The following GALR1 variants were observed in gnomAD, a reference collection of about 807,000 sequenced individuals.
GALR1 encodes galanin receptor type 1.
Under a neutral mutation model 17.9 loss-of-function variants are expected in GALR1, and 11 were observed. That is an observed-to-expected ratio of 0.62 (90% CI 0.39 to 1.02). The LOEUF (loss-of-function observed/expected upper bound fraction) is 1.02. Among genes scored for constraint, GALR1 ranks in the 50% least tolerant of loss-of-function variants. The pLI is 0.01. For synonymous variants in GALR1, 206 were observed against 205.7 expected, an observed-to-expected ratio of 1.00 and a Z score of -0.01; for missense variants, 441 against 456.9, an observed-to-expected ratio of 0.97 and a Z score of 0.32.
chr18:77,252,854 A>ACACCACCACCAC (rs1217118933), intron 1 of GALR1, among the ~76,000 whole-genome samples: 1 of 52,598 alleles, frequency 1.9e-5, no homozygotes, highest in African/African-American at 6.3e-5. Context: ...CTGTCTCAAA[A>ACACCACCACCAC]CACCACCACC....
intron 2 of GALR1, among the ~76,000 whole-genome samples, chr18:77,258,469 ATTGGTG>A (rs1912642124): frequency 7.8e-6 from 1 of 128,038 alleles, no homozygotes; most frequent in East Asian, 2.6e-4. Context: ...TGGTGGTGGT[ATTGGTG>A]GTGGTGATGG....
Position 77,275,549 on chromosome 18 carries a change from G to C in GALR1, c.*6647G>C, listed in dbSNP as rs1010931897. 1.3e-5 allele frequency: 2 copies of C among 152,236 alleles called. No individual in the cohort carries two copies. Among genetic ancestry groups the C allele is most frequent in the Non-Finnish European group, 2.9e-5 (2 of 68,064 alleles). 9.4% of individuals were successfully genotyped at this position (152,236 alleles called of 1,614,324 possible). On this transcript the variant is annotated 3_prime_UTR_variant, in exon 3 of 3. Coordinates refer to ENST00000299727, the MANE Select transcript of GALR1 (RefSeq NM_001480.4). The stretch of plus-strand genomic sequence containing the variant: ...AGACAGGTGTCTTGCTATGTGACTT[G>C]CCATTGCGGTCACTGGTTATACAAA...
rs529886045 is a variant in GALR1, at chr18:77,277,181, G to C, written c.*8279G>C. The C allele has an allele frequency of 2.0e-4, 31 of 151,596 alleles. No individual in the cohort carries two copies. The highest frequency in any genetic ancestry group is 7.5e-4 in the African/African-American group (31 of 41,496). The allele number at this position is 151,596 out of a possible 1,614,324, so 9.4% of individuals were successfully genotyped here. ...TAAGTATCTTCTGATAACATAAGTA[G>C]TATGAGTAAGGAAAAAAAATCTATG... On this transcript the variant is annotated 3_prime_UTR_variant, in exon 3 of 3. Coordinates refer to ENST00000299727, the MANE Select transcript of GALR1 (RefSeq NM_001480.4).
chr18:77,253,627 T>A (rs1345604587), intron 1 of GALR1: 5 of 152,222 alleles, frequency 3.3e-5, no homozygotes, highest in African/African-American at 7.2e-5. Flanking sequence ...TTATTTCAAG[T>A]TGATTTTCTT....
At position 77,266,561 on chromosome 18, in the gene GALR1, A is replaced by G. The variant is rs546298591; in HGVS notation, c.733-2024A>G. Among the ~76,000 whole-genome samples, 51 of 152,334 alleles carry G rather than the reference A, an allele frequency of 3.3e-4. No individual in the cohort carries two copies. In the South Asian group the frequency reaches 0.011, roughly 32 times the overall value. On this transcript the variant is annotated intron_variant, in intron 2 of 2. Transcript: ENST00000299727. ...ATTTACCGTATTAGTCCATTCTCAC[A>G]CTGCTAAGAGACATACTCAAGACTG...
rs1185737032 is a variant in GALR1 at position 77,274,778 on chromosome 18, A to T, written c.*5876A>T. The T allele has an allele frequency of 2.0e-5, 3 of 152,206 alleles. No homozygotes were observed. The highest frequency in any genetic ancestry group is 2.9e-5 in the Non-Finnish European group (2 of 68,034). The allele number at this position is 152,206 out of a possible 1,614,324, so 9.4% of individuals were successfully genotyped here. On this transcript the variant is annotated 3_prime_UTR_variant, in exon 3 of 3. Transcript: ENST00000299727. ...CATTAGAGAACAACTAATCCAAAAA[A>T]TCTATCATCCTTTATTTGTGTTGAC...
intron 1 of GALR1, among the ~76,000 whole-genome samples, chr18:77,253,213 C>G (rs767236595): frequency 7.2e-5 from 11 of 152,166 alleles, no homozygotes; most frequent in Non-Finnish European, 1.5e-4. Flanking sequence ...ATTTGCACAA[C>G]TCTGTGGCTT....
rs1303999771 is a variant in GALR1, at chr18:77,270,746, AAG to A, written c.*1846_*1847del. 2.0e-5 allele frequency: 3 copies of A among 152,196 alleles called. No individual in the cohort carries two copies. Among genetic ancestry groups the A allele is most frequent in the Non-Finnish European group, 4.4e-5 (3 of 68,036 alleles). The allele number at this position is 152,196 out of a possible 1,614,324, so 9.4% of individuals were successfully genotyped here. On this transcript the variant is annotated 3_prime_UTR_variant, in exon 3 of 3. Transcript: ENST00000299727. The stretch of plus-strand genomic sequence containing the variant: ...ATTAATAACTCTCTGGATAAAAGGA[AAG>A]AAAAACGTTAGAAAGATTTTGAAGT...
chr18:77,252,854 ACAC>A lies in GALR1; in HGVS notation c.666+1664_666+1666del, dbSNP rs1217118933. ...CAACGGAGCGAGACTCTGTCTCAAA[ACAC>A]CACCACCACCACCACCACCACCATC... is the stretch of plus-strand genomic sequence containing the variant. On this transcript the variant is annotated intron_variant, in intron 1 of 2. Coordinates refer to ENST00000299727, the MANE Select transcript of GALR1 (RefSeq NM_001480.4). 5.8e-3 allele frequency among the ~76,000 whole-genome samples: 305 copies of A among 52,542 alleles called. 5 individuals carry two copies. Among genetic ancestry groups the A allele is most frequent in the African/African-American group, 0.013 (215 of 15,948 alleles). 34.5% of individuals were successfully genotyped at this position (52,542 alleles called of 152,430 possible). A position where few individuals can be genotyped will look rare whatever the true frequency, so the allele number is the denominator to read the frequency against.
At chr18:77,253,165 C>T (rs1568139347) in intron 1 of GALR1, among the ~76,000 whole-genome samples, 1 of 152,214 alleles carries the variant, frequency 6.6e-6, no homozygotes, top group African/African-American at 2.4e-5. Context: ...GGCTATCTTA[C>T]ATAGCACAAT....
Position 77,276,031 on chromosome 18 carries a change from T to C in GALR1, c.*7129T>C, listed in dbSNP as rs1056374263. 7.1e-6 allele frequency: 1 copy of C among 140,726 alleles called. No individual in the cohort carries two copies. Among genetic ancestry groups the C allele is most frequent in the African/African-American group, 2.5e-5 (1 of 39,674 alleles). 8.7% of individuals were successfully genotyped at this position (140,726 alleles called of 1,614,324 possible). The stretch of plus-strand genomic sequence containing the variant: ...TAAAGAATCAAACTTAGTCATTCCA[T>C]TGAAGTGAAATTGGATTATAATTTA... On this transcript the variant is annotated 3_prime_UTR_variant, in exon 3 of 3. Coordinates refer to ENST00000299727, the MANE Select transcript of GALR1 (RefSeq NM_001480.4).
At chr18:77,261,495 C>T (rs1381221168) in intron 2 of GALR1, among the ~76,000 whole-genome samples, 1 of 152,162 alleles carries the variant, frequency 6.6e-6, no homozygotes, top group Admixed American at 6.5e-5. Flanking sequence ...TTAGTCTGTT[C>T]AGGCTGCTAT....
chr18:77,260,578 G>C (rs1419838252), intron 2 of GALR1, among the ~76,000 whole-genome samples: 2 of 152,220 alleles, frequency 1.3e-5, no homozygotes, highest in Non-Finnish European at 2.9e-5. Context: ...CATAAACTTT[G>C]AGATGGTGCC....
At chr18:77,261,478 A>G (rs889719974) in intron 2 of GALR1, among the ~76,000 whole-genome samples, 1 of 152,210 alleles carries the variant, frequency 6.6e-6, no homozygotes, top group African/African-American at 2.4e-5. Flanking sequence ...CGCTGTATCC[A>G]CTGGTCTTAG....
rs1913184061 is a variant in GALR1 at position 77,277,731 on chromosome 18, C to A, written c.*8829C>A. The A allele has an allele frequency of 6.6e-6, 1 of 152,148 alleles. No homozygotes were observed. The highest frequency in any genetic ancestry group is 1.5e-5 in the Non-Finnish European group (1 of 68,036). The allele number at this position is 152,148 out of a possible 1,614,324, so 9.4% of individuals were successfully genotyped here. On this transcript the variant is annotated 3_prime_UTR_variant, in exon 3 of 3. Transcript: ENST00000299727. ...ATTATTTATAGATCTAGCATGAATG[C>A]CAGTAAGCTGACAAAGCCAAAAGCC... is the stretch of plus-strand genomic sequence containing the variant.
chr18:77,262,995 C>T (rs1200613960), intron 2 of GALR1, among the ~76,000 whole-genome samples: 1 of 152,142 alleles, frequency 6.6e-6, no homozygotes, highest in African/African-American at 2.4e-5. Flanking sequence ...TACCATTTGC[C>T]CTGTGGATGT....
intron 1 of GALR1, among the ~76,000 whole-genome samples, chr18:77,254,560 C>G (rs1303123619): frequency 6.6e-6 from 1 of 152,214 alleles, no homozygotes; most frequent in Non-Finnish European, 1.5e-5. Flanking sequence ...TGTTGTCTCT[C>G]CTGTGTCCTC....
intron 1 of GALR1, among the ~76,000 whole-genome samples, chr18:77,255,261 G>A (rs1912560095): frequency 6.6e-6 from 1 of 152,186 alleles, no homozygotes; most frequent in African/African-American, 2.4e-5. Context: ...TGACAACGTT[G>A]TCTAAGACCA....
chr18:77,264,399 T>G (rs2717173), intron 2 of GALR1, among the ~76,000 whole-genome samples: 1,623 of 152,298 alleles, frequency 0.011, 26 homozygotes, highest in African/African-American at 0.037. Flanking sequence ...TTTATTTTCA[T>G]TCTTTTTCTC....
Sources: allele counts gnomAD v4.1 joint callset (sites outside exome capture counted in the v4.1 genomes callset), GRCh38; gene constraint gnomAD v4.1.1; transcripts MANE v1.5; gene names NCBI Gene and HGNC (gene_info 2026-07-23, HGNC 2026-07-21).